Variants in ANXA4 observed in about 807,000 individuals in gnomAD.
The protein encoded by ANXA4 is annexin A4.
In ANXA4, 39 loss-of-function variants were observed where a neutral mutation model predicts 49.8. The observed-to-expected ratio is 0.78, with a 90% CI of 0.61 to 1.02. The LOEUF (loss-of-function observed/expected upper bound fraction) is 1.02, where lower values mean the gene tolerates loss of function less well. Ranked by LOEUF, ANXA4 falls within the 50% of genes least tolerant of loss-of-function variation. The pLI, the probability that ANXA4 is intolerant of heterozygous loss-of-function variation, is 0.00. For synonymous variants in ANXA4, 134 were observed against 152.5 expected (o/e 0.88, Z 0.89); for missense variants, 360 against 410.1 (o/e 0.88, Z 1.05).
chr2:69,668,464 A>G (rs1332747973), intron 2 of ANXA4, among the ~76,000 whole-genome samples: 1 of 152,162 alleles, frequency 6.6e-6, no homozygotes, highest in African/African-American at 2.4e-5. Flanking sequence ...ATTTTTTTAA[A>G]AAAAGTATGA....
In ANXA4 at chr2:69,818,938, G is replaced by A. The variant is rs41291183; in HGVS notation, c.724+244G>A. 1.0e-2 allele frequency among the ~76,000 whole-genome samples: 1,520 copies of A among 152,256 alleles called. 12 individuals are homozygous for A. Among genetic ancestry groups the A allele is most frequent in the Middle Eastern group, 0.02 (6 of 294 alleles). On this transcript the variant is annotated intron_variant, in intron 10 of 12. Transcript: ENST00000394295. ...TGTCCTATGTGAAAGGTAATAATGT[G>A]CAGATATACAGGCTGCAGCTTGCAA...
chr2:69,663,040 T>G (rs1573070984), intron 2 of ANXA4, among the ~76,000 whole-genome samples: 1 of 144,574 alleles, frequency 6.9e-6, no homozygotes, highest in African/African-American at 2.5e-5. Context: ...TCACCCAGGC[T>G]GGAGTGCAGT....
intron 1 of ANXA4, among the ~76,000 whole-genome samples, chr2:69,744,470 G>T (rs1291670180): frequency 6.6e-6 from 1 of 152,140 alleles, no homozygotes; most frequent in East Asian, 1.9e-4. Flanking sequence ...TCTAAAACAA[G>T]AAACCTCAAA....
At chr2:69,670,689 G>A (rs182802850) in intron 2 of ANXA4, among the ~76,000 whole-genome samples, 9 of 151,866 alleles carry the variant, frequency 5.9e-5, no homozygotes, top group Non-Finnish European at 8.8e-5. Flanking sequence ...GGTTATCTAC[G>A]GAAAAAATGA....
At chr2:69,671,116 T>C (rs888630997) in intron 2 of ANXA4, among the ~76,000 whole-genome samples, 2 of 151,646 alleles carry the variant, frequency 1.3e-5, no homozygotes, top group Non-Finnish European at 2.9e-5. Context: ...GTTTTAAATA[T>C]TTAGATAATA....
At chr2:69,769,091 A>C (rs942448964) in intron 1 of ANXA4, among the ~76,000 whole-genome samples, 1 of 152,250 alleles carries the variant, frequency 6.6e-6, no homozygotes, top group African/African-American at 2.4e-5. Flanking sequence ...TTATATCTGA[A>C]GCAAGTTGAT....
chr2:69,708,296 A>G (rs778569441), intron 2 of ANXA4, among the ~76,000 whole-genome samples: 13 of 152,178 alleles, frequency 8.5e-5, no homozygotes, highest in African/African-American at 1.9e-4. Context: ...CGTGATCGCA[A>G]TGAGCTCCTT....
intron 3 of ANXA4, among the ~76,000 whole-genome samples, chr2:69,798,284 G>C (rs928552546): frequency 2.0e-5 from 3 of 152,190 alleles, no homozygotes; most frequent in African/African-American, 7.2e-5. Context: ...TGGTTACTAC[G>C]GTGGTTGCTA....
At chr2:69,662,869 A>G (rs1041719027) in intron 2 of ANXA4, among the ~76,000 whole-genome samples, 1 of 152,150 alleles carries the variant, frequency 6.6e-6, no homozygotes, top group Admixed American at 6.5e-5. Context: ...ATAATTTTTT[A>G]CTAAAATATA....
At chr2:69,691,273 A>C (rs1677955667) in intron 2 of ANXA4, among the ~76,000 whole-genome samples, 1 of 151,816 alleles carries the variant, frequency 6.6e-6, no homozygotes, top group Admixed American at 6.6e-5. Context: ...ACAGGCGCCC[A>C]CTTCCATGCC....
intron 2 of ANXA4, among the ~76,000 whole-genome samples, chr2:69,683,010 C>T (rs1677652202): frequency 6.6e-6 from 1 of 152,142 alleles, no homozygotes; most frequent in Non-Finnish European, 1.5e-5. Flanking sequence ...CAAAATTTTT[C>T]TACATGCACA....
chr2:69,737,247 C>T (rs1200492044), upstream of ANXA4, among the ~76,000 whole-genome samples: 2 of 152,232 alleles, frequency 1.3e-5, no homozygotes, highest in Non-Finnish European at 2.9e-5. Flanking sequence ...CCTATGTCCT[C>T]AGTCTTCTAA....
At chr2:69,675,576 C>A (rs1217213497) in intron 2 of ANXA4, among the ~76,000 whole-genome samples, 1 of 152,090 alleles carries the variant, frequency 6.6e-6, no homozygotes, top group East Asian at 1.9e-4. Flanking sequence ...GAGCCTAAAG[C>A]TGAGCAAAAG....
chr2:69,806,663 A>T (rs3771538), intron 5 of ANXA4, among the ~76,000 whole-genome samples, 165 bp downstream of exon 5: 44,288 of 152,134 alleles, frequency 0.29, 8,604 homozygotes, highest in African/African-American at 0.56. Context: ...GAATAGCTGT[A>T]AAAAGGAACA....
At chr2:69,662,992 C>CTTTTTTTTTTTTT in intron 2 of ANXA4, among the ~76,000 whole-genome samples, 1 of 123,200 alleles carries the variant, frequency 8.1e-6, no homozygotes, top group Non-Finnish European at 1.7e-5. Context: ...TTTTCTTTTT[C>CTTTTTTTTTTTTT]TTTTTTTTTT....
At chr2:69,736,480 GTAAA>G (rs1670247989) in intron 3 of ANXA4, among the ~76,000 whole-genome samples, 1 of 152,192 alleles carries the variant, frequency 6.6e-6, no homozygotes. Context: ...CACACAGTAA[GTAAA>G]TGTTAGCTGT....
intron 3 of ANXA4, among the ~76,000 whole-genome samples, chr2:69,727,300 C>T (rs1669986915): frequency 6.6e-6 from 1 of 152,234 alleles, no homozygotes; most frequent in Non-Finnish European, 1.5e-5. Context: ...ATAGGACACA[C>T]ATTTGTTCAG....
At position 69,647,701 on chromosome 2, in the gene ANXA4, G is replaced by A. The variant is rs186996593; in HGVS notation, n.481+2796G>A. ...TGGGATTACAGGCATGAGCCACCAC[G>A]CCCAGCCACTTTTTAAAAAAAATAA... On this transcript the variant is annotated intron_variant and non_coding_transcript_variant, in intron 1 of 3. Transcript: ENST00000418066. 1.4e-3 allele frequency among the ~76,000 whole-genome samples: 205 copies of A among 149,620 alleles called. 1 individual carries two copies. Among genetic ancestry groups the A allele is most frequent in the African/African-American group, 4.6e-3 (190 of 41,094 alleles).
chr2:69,816,025 G>A, intron 8 of ANXA4, 76 bp from the exon 9 acceptor site: 3 of 1,192,850 alleles, frequency 2.5e-6, no homozygotes, highest in Non-Finnish European at 3.7e-6. Context: ...TCAGCTCTTT[G>A]AGCTTCTGGA....
Sources: allele counts gnomAD v4.1 joint callset (sites outside exome capture counted in the v4.1 genomes callset), GRCh38; gene constraint gnomAD v4.1.1; transcripts MANE v1.5; gene names NCBI Gene and HGNC (gene_info 2026-07-23, HGNC 2026-07-21).